The following ZNF469 variants were observed in gnomAD, a reference collection of about 807,000 sequenced individuals.
ZNF469 encodes zinc finger protein 469.
In ZNF469, 1 loss-of-function variant was observed where a neutral mutation model predicts 1.0. That is an observed-to-expected ratio of 1.00 (90% CI 0.35 to 4.73). ZNF469 has a LOEUF of 4.73. Ranked by LOEUF, ZNF469 falls within the 30% of genes most tolerant of loss-of-function variation. ZNF469 has a pLI of 0.16. For missense variants in ZNF469, 6,100 were observed against 5,356.3 expected (o/e 1.14, Z -4.33); for synonymous variants, 2,703 against 2,363.4 (o/e 1.14, Z -4.17).
the ZNF469 span, among the ~76,000 whole-genome samples, chr16:88,241,007 A>C: frequency 6.6e-6 from 1 of 152,064 alleles, no homozygotes; most frequent in East Asian, 1.9e-4. This position sits in a 1 kb window ranked among gnomAD's most constrained non-coding sequence, Gnocchi z 4.8. Context: ...CGCCCACACC[A>C]TGTCAGACGC....
At chr16:88,377,903 G>T in the ZNF469 span, among the ~76,000 whole-genome samples, 3 of 152,032 alleles carry the variant, frequency 2.0e-5, no homozygotes, top group East Asian at 1.9e-4. Flanking sequence ...AAAAAAAAAT[G>T]GTTTTTGAGC....
the ZNF469 span, among the ~76,000 whole-genome samples, chr16:88,196,258 C>T: frequency 6.6e-6 from 1 of 152,162 alleles, no homozygotes; most frequent in African/African-American, 2.4e-5. Context: ...GCAGGCCTGG[C>T]CCAGAACAAG....
chr16:88,199,498 G>C, the ZNF469 span, among the ~76,000 whole-genome samples: 1 of 152,220 alleles, frequency 6.6e-6, no homozygotes, highest in Non-Finnish European at 1.5e-5. Context: ...TGAGGACTCT[G>C]CTCCCACCTC....
chr16:88,115,098 A>G, the ZNF469 span, among the ~76,000 whole-genome samples: 5 of 152,188 alleles, frequency 3.3e-5, no homozygotes, highest in African/African-American at 9.7e-5. Context: ...GCCCCTGCCC[A>G]GCCTGTCTTA....
chr16:88,279,108 T>C, the ZNF469 span, among the ~76,000 whole-genome samples: 11 of 129,134 alleles, frequency 8.5e-5, no homozygotes, highest in Non-Finnish European at 2.0e-4. Context: ...GTCAGTACTG[T>C]GTAGATATCA....
chr16:88,251,538 C>CTTTTTTTTTTTTTTTTTTT, the ZNF469 span, among the ~76,000 whole-genome samples: 4 of 51,238 alleles, frequency 7.8e-5, 1 homozygote, highest in African/African-American at 1.9e-4. Context: ...TCCCTGCTGT[C>CTTTTTTTTTTTTTTTTTTT]TTTTTTTTTT....
the ZNF469 span, among the ~76,000 whole-genome samples, chr16:88,138,784 A>G: frequency 6.6e-6 from 1 of 152,242 alleles, no homozygotes; most frequent in African/African-American, 2.4e-5. Flanking sequence ...CATTTAAAGC[A>G]TTTCCACTAA....
At chr16:88,279,886 C>T in the ZNF469 span, among the ~76,000 whole-genome samples, 3 of 132,134 alleles carry the variant, frequency 2.3e-5, no homozygotes, top group African/African-American at 5.3e-5. Context: ...TATCAGTGCA[C>T]AGTTAGTGCT....
chr16:88,357,090 G>C, the ZNF469 span, among the ~76,000 whole-genome samples: 2 of 152,222 alleles, frequency 1.3e-5, no homozygotes, highest in Admixed American at 1.3e-4. Flanking sequence ...TGTACCCTCT[G>C]ACCCGGGCCG....
At chr16:88,210,205 C>G in the ZNF469 span, among the ~76,000 whole-genome samples, 1 of 151,956 alleles carries the variant, frequency 6.6e-6, no homozygotes, top group Non-Finnish European at 1.5e-5. Context: ...TAAATTATCT[C>G]TTCATGTCTT....
At chr16:88,243,946 AT>A in the ZNF469 span, among the ~76,000 whole-genome samples, 543 of 119,244 alleles carry the variant, frequency 4.6e-3, 34 homozygotes, top group Non-Finnish European at 6.4e-3. Flanking sequence ...ATATATATAT[AT>A]ATATAAATGT....
intron 1 of ZNF469, among the ~76,000 whole-genome samples, chr16:88,419,732 T>C (rs1905402635): frequency 6.6e-6 from 1 of 152,192 alleles, no homozygotes; most frequent in South Asian, 2.1e-4. Context: ...ACGCCATGCC[T>C]GAGAGACCCT....
chr16:88,338,346 G>C, the ZNF469 span, among the ~76,000 whole-genome samples: 2 of 152,138 alleles, frequency 1.3e-5, no homozygotes, highest in African/African-American at 2.4e-5. Context: ...TGTCTGCCCC[G>C]GCAAGAGAGG....
At chr16:88,155,329 C>T in the ZNF469 span, among the ~76,000 whole-genome samples, 2 of 152,232 alleles carry the variant, frequency 1.3e-5, no homozygotes, top group African/African-American at 4.8e-5. Flanking sequence ...AATTTTCCTA[C>T]CATACAATTC....
the ZNF469 span, among the ~76,000 whole-genome samples, chr16:88,241,843 C>G: frequency 6.6e-6 from 1 of 152,210 alleles, no homozygotes; most frequent in African/African-American, 2.4e-5. The surrounding 1 kb of genome is among the most constrained non-coding windows in gnomAD (Gnocchi z 4.8). Context: ...CCTGCTCCAG[C>G]AAGTTCAGGG....
intron 1 of ZNF469, among the ~76,000 whole-genome samples, chr16:88,407,953 C>T (rs1182106393): frequency 6.6e-6 from 1 of 152,252 alleles, no homozygotes; most frequent in Non-Finnish European, 1.5e-5. Flanking sequence ...TGAGTGCATG[C>T]ATCTGACACA....
the ZNF469 span, among the ~76,000 whole-genome samples, chr16:88,339,889 G>A: frequency 3.2e-5 from 3 of 94,156 alleles, no homozygotes; most frequent in Admixed American, 2.7e-4. Context: ...CAGGGGGCCT[G>A]GCCATGGCAA....
chr16:88,102,964 G>A, the ZNF469 span, among the ~76,000 whole-genome samples: 1 of 152,246 alleles, frequency 6.6e-6, no homozygotes, highest in Non-Finnish European at 1.5e-5. Context: ...GACTCTTCAA[G>A]GACAGGAATC....
the ZNF469 span, among the ~76,000 whole-genome samples, chr16:88,349,820 A>ACACTACACAC: frequency 6.5e-4 from 1 of 1,534 alleles, no homozygotes; most frequent in Non-Finnish European, 1.5e-3. Context: ...TCACAAATGC[A>ACACTACACAC]CACACACGAG....
Sources: allele counts gnomAD v4.1 joint callset (sites outside exome capture counted in the v4.1 genomes callset), GRCh38; gene constraint gnomAD v4.1.1; non-coding constraint Gnocchi (gnomAD v3.1); transcripts MANE v1.5; gene names NCBI Gene and HGNC (gene_info 2026-07-23, HGNC 2026-07-21).